KIAA0319L: variants seen among roughly 807,000 people sequenced by gnomAD.
KIAA0319L encodes dyslexia-associated protein KIAA0319-like protein.
In KIAA0319L, 55 loss-of-function variants were observed where a neutral mutation model predicts 120.1. The observed-to-expected ratio is 0.46, with a 90% CI of 0.37 to 0.57. The LOEUF is 0.57. Ranked by LOEUF, KIAA0319L falls within the 20% of genes least tolerant of loss-of-function variation. The pLI is 0.00. For synonymous variants in KIAA0319L, 398 were observed against 471.9 expected, an observed-to-expected ratio of 0.84 and a Z score of 2.03; for missense variants, 1,049 against 1,255.3, an observed-to-expected ratio of 0.84 and a Z score of 2.48.
chr1:35,546,711 C>A (rs753118459), intron 2 of KIAA0319L, among the ~76,000 whole-genome samples: 11 of 152,224 alleles, frequency 7.2e-5, no homozygotes, highest in Non-Finnish European at 1.6e-4. Flanking sequence ...CATCTATAAA[C>A]TGAATACGTA....
At chr1:35,543,012 G>A (rs1361925102) in intron 2 of KIAA0319L, among the ~76,000 whole-genome samples, 1 of 152,052 alleles carries the variant, frequency 6.6e-6, no homozygotes, top group Non-Finnish European at 1.5e-5. Flanking sequence ...TCTTCTAAAG[G>A]GCAAAAAGAA....
intron 3 of KIAA0319L, among the ~76,000 whole-genome samples, chr1:35,500,751 T>G (rs555406230): frequency 3.1e-4 from 47 of 152,318 alleles, no homozygotes; most frequent in African/African-American, 1.1e-3. Context: ...CCTTCCCTAG[T>G]GCATTAAGCA....
chr1:35,486,377 A>G (rs964886862), intron 3 of KIAA0319L, among the ~76,000 whole-genome samples: 4 of 113,342 alleles, frequency 3.5e-5, no homozygotes, highest in Admixed American at 1.7e-4. Context: ...CTGTCTCAAG[A>G]AAAAAAAAAA....
At chr1:35,550,157 T>C (rs1196528643) in intron 2 of KIAA0319L, among the ~76,000 whole-genome samples, 4 of 152,258 alleles carry the variant, frequency 2.6e-5, no homozygotes, top group African/African-American at 9.6e-5. Context: ...GCTTCAGTAC[T>C]GAACCCAAAA....
Position 35,433,897 on chromosome 1 carries a change from C to G in KIAA0319L, c.*997G>C, listed in dbSNP as rs1365842195. Reference sequence around the variant, plus strand: ...GGACAGGGAGCGGTGGCCTAAGCCCCGAAGCAGCAGGTGCCGGTCAGATGG... The same window carrying G: ...GGACAGGGAGCGGTGGCCTAAGCCCGGAAGCAGCAGGTGCCGGTCAGATGG... On this transcript the variant is annotated 3_prime_UTR_variant, in exon 21 of 21. Transcript: ENST00000325722. 1 of 152,266 alleles carries G rather than the reference C, an allele frequency of 6.6e-6. No individual in the cohort carries two copies. Among genetic ancestry groups the G allele is most frequent in the African/African-American group, 2.4e-5 (1 of 41,410 alleles). 9.4% of individuals were successfully genotyped at this position (152,266 alleles called of 1,614,324 possible). A position where few individuals can be genotyped will look rare whatever the true frequency, so the allele number is the denominator to read the frequency against.
At chr1:35,530,244 T>TCTAA (rs1646313077) in intron 2 of KIAA0319L, among the ~76,000 whole-genome samples, 1 of 150,744 alleles carries the variant, frequency 6.6e-6, no homozygotes, top group South Asian at 2.1e-4. Context: ...ATGTTGCCCA[T>TCTAA]CTAACTCCTG....
rs548239518 is a variant in KIAA0319L, at chr1:35,550,186, A to G, written c.142+4164T>C. On this transcript the variant is annotated intron_variant, in intron 2 of 20. Transcript: ENST00000325722. ...CCCAAAAGTGGAAATAAAAAAGCTC[A>G]CCATGTCTAAGTCAACAGCTGCCTG... 4.6e-5 allele frequency among the ~76,000 whole-genome samples: 7 copies of G among 152,392 alleles called. No homozygotes were observed. The South Asian group carries it at 1.4e-3, about 32-fold the overall frequency.
rs1640884049 is a variant in KIAA0319L at position 35,437,482 on chromosome 1, C to A, written c.2963-2401G>T. Among the ~76,000 whole-genome samples, 1 of 152,216 alleles carries A rather than the reference C, an allele frequency of 6.6e-6. No individual in the cohort carries two copies. The highest frequency in any genetic ancestry group is 1.5e-5 in the Non-Finnish European group (1 of 68,040). ...TGCCATCCTGCTTCTCTAGCTTTCA[C>A]TGCTCAGCTTCTAAAAGGATTTTTA... On this transcript the variant is annotated intron_variant, in intron 20 of 20. Transcript: ENST00000325722. The surrounding 1 kb of genome is among the most constrained non-coding windows in gnomAD (Gnocchi z 4.1).
In KIAA0319L at chr1:35,506,037, TA is replaced by T. The variant is rs1202884562; in HGVS notation, c.666+574del. ...CAAGGAGATCAACAATGAAGAAACA[TA>T]ATAAGCAGAATAAACTCTACTGGTG... On this transcript the variant is annotated intron_variant, in intron 3 of 20. Transcript: ENST00000325722. The surrounding 1 kb of genome is among the most constrained non-coding windows in gnomAD (Gnocchi z 4.0). Among the ~76,000 whole-genome samples the T allele has an allele frequency of 6.6e-6, 1 of 152,142 alleles. No homozygotes were observed. The highest frequency in any genetic ancestry group is 1.5e-5 in the Non-Finnish European group (1 of 68,014).
intron 7 of KIAA0319L, among the ~76,000 whole-genome samples, chr1:35,465,944 G>T (rs12032946): frequency 0.021 from 3,146 of 152,196 alleles, 61 homozygotes; most frequent in African/African-American, 0.05. Flanking sequence ...CCATGATTGT[G>T]AGGCCTCCCC....
chr1:35,487,218 C>A (rs892204271), intron 3 of KIAA0319L, among the ~76,000 whole-genome samples: 1 of 152,006 alleles, frequency 6.6e-6, no homozygotes. Context: ...TTGCTCCTTA[C>A]AGTGTTCAAC....
chr1:35,482,480 A>G (rs901494983), intron 3 of KIAA0319L, among the ~76,000 whole-genome samples: 2 of 140,680 alleles, frequency 1.4e-5, no homozygotes, highest in African/African-American at 5.4e-5. Context: ...CCCAGGCTGG[A>G]GTGCAATGGC....
At chr1:35,499,022 G>A (rs1051621179) in intron 3 of KIAA0319L, among the ~76,000 whole-genome samples, 3 of 152,118 alleles carry the variant, frequency 2.0e-5, no homozygotes, top group African/African-American at 7.2e-5. Context: ...TGGAGAATAT[G>A]GCAGGGTTTA....
At chr1:35,513,289 T>TA (rs1491413167) in intron 2 of KIAA0319L, among the ~76,000 whole-genome samples, 2,736 of 69,850 alleles carry the variant, frequency 0.039, 29 homozygotes, top group East Asian at 0.17. Context: ...TATATATATA[T>TA]TTTTTTTTTT....
At chr1:35,479,808 T>G (rs1421576954) in intron 3 of KIAA0319L, among the ~76,000 whole-genome samples, 1 of 151,094 alleles carries the variant, frequency 6.6e-6, no homozygotes, top group African/African-American at 2.4e-5. Flanking sequence ...GAGGCTGAGG[T>G]GGGAGAATCG....
At chr1:35,537,447 C>T (rs1234987704) in intron 2 of KIAA0319L, among the ~76,000 whole-genome samples, 3 of 147,388 alleles carry the variant, frequency 2.0e-5, no homozygotes, top group Non-Finnish European at 4.5e-5. Context: ...TTTAGAGGGC[C>T]GCAGCAGAAA....
chr1:35,460,906 T>C (rs1642844968), intron 8 of KIAA0319L, among the ~76,000 whole-genome samples: 2 of 152,220 alleles, frequency 1.3e-5, no homozygotes, highest in Non-Finnish European at 2.9e-5. Context: ...AATGAGTACT[T>C]TGGCAATATT....
At chr1:35,441,393 G>T (rs888305182) in intron 19 of KIAA0319L, among the ~76,000 whole-genome samples, 4 of 152,204 alleles carry the variant, frequency 2.6e-5, no homozygotes, top group African/African-American at 9.6e-5. Flanking sequence ...ATGAAGGACA[G>T]ATTGGTTAAA....
intron 2 of KIAA0319L, among the ~76,000 whole-genome samples, chr1:35,517,547 T>G (rs1392383189): frequency 6.6e-6 from 1 of 152,122 alleles, no homozygotes; most frequent in Non-Finnish European, 1.5e-5. Context: ...CCTTATACCA[T>G]ATACAAAAAT....
Sources: gnomAD v4.1 joint callset for allele counts (sites outside exome capture counted in the v4.1 genomes callset) on GRCh38, gnomAD v4.1.1 for gene constraint, Gnocchi (gnomAD v3.1) non-coding constraint, MANE v1.5 for transcripts, NCBI Gene and HGNC (gene_info 2026-07-23, HGNC 2026-07-21) for gene names.